Variants in XNDC1N observed in about 807,000 individuals in gnomAD.
XNDC1N encodes protein XNDC1N.
chr11:71,907,157 C>A, the XNDC1N span, among the ~76,000 whole-genome samples: 1 of 151,936 alleles, frequency 6.6e-6, no homozygotes, highest in African/African-American at 2.4e-5. Flanking sequence ...TCACGTTTCA[C>A]CACATTATCA....
chr11:71,921,100 C>G, the XNDC1N span, among the ~76,000 whole-genome samples: 4 of 151,984 alleles, frequency 2.6e-5, no homozygotes, highest in Admixed American at 6.6e-5. Context: ...TGAGTGATCC[C>G]CCTGCCTCTG....
the XNDC1N span, among the ~76,000 whole-genome samples, chr11:71,925,276 G>A: frequency 6.6e-6 from 1 of 152,008 alleles, no homozygotes; most frequent in East Asian, 1.9e-4. Context: ...TCATTTCTGT[G>A]TACCCAATGT....
chr11:71,900,483 C>T, the XNDC1N span, among the ~76,000 whole-genome samples: 2 of 152,088 alleles, frequency 1.3e-5, no homozygotes, highest in Admixed American at 6.6e-5. Flanking sequence ...AATGTGCAAA[C>T]TGTCCGCTCA....
chr11:71,901,940 A>G, the XNDC1N span, among the ~76,000 whole-genome samples: 1 of 152,082 alleles, frequency 6.6e-6, no homozygotes, highest in Non-Finnish European at 1.5e-5. Context: ...TTCAACGGAA[A>G]TATCCCCTGA....
the XNDC1N span, among the ~76,000 whole-genome samples, chr11:71,894,858 G>A: frequency 6.6e-6 from 1 of 152,238 alleles, no homozygotes; most frequent in Non-Finnish European, 1.5e-5. Flanking sequence ...GCTTCAAGGT[G>A]ACGTTTCCAA....
the XNDC1N span, among the ~76,000 whole-genome samples, chr11:71,925,131 G>A: frequency 1.3e-5 from 2 of 151,868 alleles, no homozygotes; most frequent in South Asian, 4.2e-4. Context: ...TGCTTAAACA[G>A]CTCAAGGTGA....
the XNDC1N span, among the ~76,000 whole-genome samples, chr11:71,926,366 T>G: frequency 6.6e-6 from 1 of 152,224 alleles, no homozygotes; most frequent in African/African-American, 2.4e-5. Flanking sequence ...CTTTGAGAAC[T>G]CCTTCCCTTA....
At chr11:71,879,154 G>A in the XNDC1N span, among the ~76,000 whole-genome samples, 6,801 of 148,964 alleles carry the variant, frequency 0.046, 518 homozygotes, top group African/African-American at 0.16. Context: ...AGAGGTGGAT[G>A]CTCCACCATA....
chr11:71,920,160 G>C, the XNDC1N span, among the ~76,000 whole-genome samples: 1 of 148,994 alleles, frequency 6.7e-6, no homozygotes, highest in Non-Finnish European at 1.5e-5. Context: ...GGGGTTTCAC[G>C]TGTTAGCCAG....
the XNDC1N span, among the ~76,000 whole-genome samples, chr11:71,882,779 C>T: frequency 1.3e-5 from 2 of 152,142 alleles, no homozygotes; most frequent in Non-Finnish European, 2.9e-5. Flanking sequence ...TAAATGGCAT[C>T]CAAACTGTTG....
At chr11:71,880,716 T>C in the XNDC1N span, among the ~76,000 whole-genome samples, 1,300 of 152,310 alleles carry the variant, frequency 8.5e-3, 21 homozygotes, top group African/African-American at 0.03. Flanking sequence ...GTGTTTCCAT[T>C]TGCATTTATT....
At chr11:71,889,114 A>C in the XNDC1N span, among the ~76,000 whole-genome samples, 2 of 152,282 alleles carry the variant, frequency 1.3e-5, no homozygotes, top group South Asian at 4.1e-4. Context: ...AGCTGAACTC[A>C]TTGCTTTCAT....
the XNDC1N span, among the ~76,000 whole-genome samples, chr11:71,866,260 C>T: frequency 2.1e-5 from 3 of 140,328 alleles, no homozygotes; most frequent in East Asian, 2.1e-4. Flanking sequence ...CAGAAATCCA[C>T]GTTTTAGGAC....
chr11:71,899,800 C>A, the XNDC1N span, among the ~76,000 whole-genome samples: 6 of 152,248 alleles, frequency 3.9e-5, no homozygotes, highest in East Asian at 1.9e-4. Flanking sequence ...GCCCGACACC[C>A]GTAAAGGGTC....
the XNDC1N span, among the ~76,000 whole-genome samples, chr11:71,927,250 C>A: frequency 6.6e-6 from 1 of 151,772 alleles, no homozygotes; most frequent in Admixed American, 6.6e-5. Context: ...CTGTATCACT[C>A]AGGCTGGGCA....
At chr11:71,918,966 C>T in the XNDC1N span, 4 of 702,952 alleles carry the variant, frequency 5.7e-6, no homozygotes, top group African/African-American at 1.7e-5. Flanking sequence ...TGAGGGCAGC[C>T]GAGCCAAGGT....
At chr11:71,894,080 C>T in the XNDC1N span, 3 of 501,032 alleles carry the variant, frequency 6.0e-6, no homozygotes, top group Non-Finnish European at 1.1e-5. Context: ...TTCCATAATA[C>T]TATGTTTGGT....
the XNDC1N span, chr11:71,893,931 G>C: frequency 1.2e-4 from 129 of 1,066,892 alleles, no homozygotes; most frequent in Non-Finnish European, 1.6e-4. Flanking sequence ...TTAGCCTGTT[G>C]GATTCCCAGC....
chr11:71,897,854 C>T, the XNDC1N span, among the ~76,000 whole-genome samples: 6,537 of 152,132 alleles, frequency 0.043, 353 homozygotes, highest in African/African-American at 0.15. Context: ...CACTGCAGTT[C>T]TTTCATACAA....
Sources: allele counts gnomAD v4.1 joint callset (sites outside exome capture counted in the v4.1 genomes callset), GRCh38; gene constraint gnomAD v4.1.1; transcripts MANE v1.5; gene names NCBI Gene and HGNC (gene_info 2026-07-23, HGNC 2026-07-21).